KCNIP4: variants seen among roughly 807,000 people sequenced by gnomAD.
KCNIP4 encodes the protein potassium voltage-gated channel interacting protein 4, also known as Kv channel-interacting protein 4.
Under a neutral mutation model 34.0 loss-of-function variants are expected in KCNIP4, and 12 were observed. The ratio of observed to expected loss-of-function variants is 0.35; its 90% CI spans 0.23 to 0.57. KCNIP4 has a LOEUF of 0.57. Among genes scored for constraint, KCNIP4 ranks in the 20% least tolerant of loss-of-function variants. The pLI, the probability that KCNIP4 is intolerant of heterozygous loss-of-function variation, is 0.83. For missense variants in KCNIP4, 238 were observed against 311.7 expected, an observed-to-expected ratio of 0.76 and a Z score of 1.78; for synonymous variants, 124 against 102.2, an observed-to-expected ratio of 1.21 and a Z score of -1.29.
intron 1 of KCNIP4, among the ~76,000 whole-genome samples, chr4:21,128,714 C>A (rs558297868): frequency 6.6e-6 from 1 of 152,304 alleles, no homozygotes; most frequent in South Asian, 2.1e-4. Context: ...CATGTTTAAA[C>A]TAGCATAGCC....
At chr4:21,501,715 T>TGTGTGTGTGTGTGTGTGTGTGTGTGTGC (rs569245544) in intron 1 of KCNIP4, among the ~76,000 whole-genome samples, 7 of 150,852 alleles carry the variant, frequency 4.6e-5, no homozygotes, top group South Asian at 2.1e-4. Context: ...TGTGTGTGTG[T>TGTGTGTGTGTGTGTGTGTGTGTGTGTGC]GCGTTGGAAG....
intron 1 of KCNIP4, chr4:21,845,618 C>T (rs1018801582): frequency 6.6e-6 from 1 of 152,006 alleles, no homozygotes; most frequent in African/African-American, 2.4e-5. Flanking sequence ...AGGAGCTTGA[C>T]ACTTCTTAGT....
chr4:21,332,059 A>G (rs898439815), intron 1 of KCNIP4, among the ~76,000 whole-genome samples: 1 of 152,056 alleles, frequency 6.6e-6, no homozygotes, highest in African/African-American at 2.4e-5. Flanking sequence ...TTCATAATCA[A>G]TCCCAAAACA....
rs188324186 is a variant in KCNIP4 at position 21,012,002 on chromosome 4, A to G, written c.62-129293T>C. On this transcript the variant is annotated intron_variant, in intron 1 of 8. Coordinates refer to ENST00000382152, the MANE Select transcript of KCNIP4 (RefSeq NM_025221.6). ...GTAGTTTCGATGTTTGGAGTCTTTC[A>G]CAAAGAGAAACAAAAGCATGATAAG... Among the ~76,000 whole-genome samples, 10 of 152,336 alleles carry G rather than the reference A, an allele frequency of 6.6e-5. No homozygotes were observed. The East Asian group carries it at 1.9e-3, about 29-fold the overall frequency.
intron 1 of KCNIP4, among the ~76,000 whole-genome samples, chr4:21,841,009 T>C (rs912802479): frequency 6.6e-6 from 1 of 152,218 alleles, no homozygotes; most frequent in Non-Finnish European, 1.5e-5. Flanking sequence ...AATTAATTGT[T>C]GCTACTGAGT....
intron 1 of KCNIP4, among the ~76,000 whole-genome samples, chr4:21,326,949 C>T (rs994489072): frequency 6.6e-6 from 1 of 151,870 alleles, no homozygotes; most frequent in African/African-American, 2.4e-5. Flanking sequence ...TTTAATTCCT[C>T]CTCTTTTTAA....
intron 1 of KCNIP4, among the ~76,000 whole-genome samples, chr4:20,997,872 A>G (rs949150150): frequency 2.6e-5 from 4 of 152,202 alleles, no homozygotes; most frequent in African/African-American, 9.6e-5. Context: ...AGGGCCATAC[A>G]GCTGCTTCAA....
intron 1 of KCNIP4, among the ~76,000 whole-genome samples, chr4:21,777,668 C>T (rs1216367085): frequency 6.6e-6 from 1 of 152,184 alleles, no homozygotes; most frequent in African/African-American, 2.4e-5. Context: ...CTATTGTGAA[C>T]TCTACCACTA....
chr4:21,933,337 C>T (rs1729678819), intron 1 of KCNIP4, among the ~76,000 whole-genome samples: 1 of 151,974 alleles, frequency 6.6e-6, no homozygotes, highest in Admixed American at 6.6e-5. Flanking sequence ...TATCTTTTGT[C>T]ACTTGCTGTC....
chr4:21,097,523 G>A (rs1747569962), intron 1 of KCNIP4, among the ~76,000 whole-genome samples: 1 of 151,770 alleles, frequency 6.6e-6, no homozygotes, highest in African/African-American at 2.4e-5. Context: ...GTCACATTTT[G>A]GTAATTATTA....
chr4:21,561,495 T>A (rs1306375945), intron 1 of KCNIP4, among the ~76,000 whole-genome samples: 2 of 151,938 alleles, frequency 1.3e-5, no homozygotes, highest in African/African-American at 2.4e-5. Flanking sequence ...CTCAGAAATT[T>A]TTAATTATTT....
At chr4:21,582,516 T>G (rs1741312291) in intron 1 of KCNIP4, 1 of 151,980 alleles carries the variant, frequency 6.6e-6, no homozygotes, top group Admixed American at 6.6e-5. Context: ...ACCCCATCAT[T>G]GCCCTTCCTA....
intron 1 of KCNIP4, among the ~76,000 whole-genome samples, chr4:20,993,226 T>A (rs936711321): frequency 6.6e-6 from 1 of 151,970 alleles, no homozygotes; most frequent in Non-Finnish European, 1.5e-5. Context: ...CAACAGGGTA[T>A]GAAGATGTCT....
intron 1 of KCNIP4, among the ~76,000 whole-genome samples, chr4:21,044,611 G>A (rs146322772): frequency 1.1e-3 from 164 of 152,206 alleles, no homozygotes; most frequent in African/African-American, 3.4e-3. Flanking sequence ...TGCCCAGCCC[G>A]TTTCCCCTGT....
At chr4:20,826,302 T>C (rs547066111) in intron 3 of KCNIP4, among the ~76,000 whole-genome samples, 2 of 152,234 alleles carry the variant, frequency 1.3e-5, no homozygotes, top group African/African-American at 2.4e-5. Context: ...ACTCCGGCCA[T>C]TGTGGCTCAC....
intron 1 of KCNIP4, among the ~76,000 whole-genome samples, chr4:21,122,757 C>T (rs1002178942): frequency 2.6e-5 from 4 of 152,138 alleles, no homozygotes; most frequent in Admixed American, 1.3e-4. Context: ...CCCTCTAGTA[C>T]TTTCAACTTT....
chr4:21,150,562 TG>T (rs1410786351), intron 1 of KCNIP4, among the ~76,000 whole-genome samples: 1 of 152,232 alleles, frequency 6.6e-6, no homozygotes, highest in Non-Finnish European at 1.5e-5. Context: ...TGTGTGTGTT[TG>T]CATGTATGCA....
At chr4:21,837,394 G>C (rs933466414) in intron 1 of KCNIP4, among the ~76,000 whole-genome samples, 2 of 150,422 alleles carry the variant, frequency 1.3e-5, no homozygotes, top group African/African-American at 2.4e-5. Context: ...ATTTAGCTGG[G>C]TGTGGTGGTG....
intron 1 of KCNIP4, among the ~76,000 whole-genome samples, chr4:21,867,062 C>T (rs181948458): frequency 4.3e-4 from 65 of 152,224 alleles, no homozygotes; most frequent in African/African-American, 1.3e-3. Flanking sequence ...TGAGCCACCA[C>T]GCCCGGCCAG....
Sources: gnomAD v4.1 joint callset for allele counts (sites outside exome capture counted in the v4.1 genomes callset) on GRCh38, gnomAD v4.1.1 for gene constraint, MANE v1.5 for transcripts, NCBI Gene and HGNC (gene_info 2026-07-23, HGNC 2026-07-21) for gene names.